Variants in UNC45A observed in about 807,000 individuals in gnomAD.
The protein encoded by UNC45A is unc-45 myosin chaperone A.
UNC45A carries 78 observed loss-of-function variants against 103.2 expected under a neutral mutation model. The observed-to-expected ratio is 0.76, with a 90% CI of 0.63 to 0.91. UNC45A has a LOEUF of 0.91. Among genes scored for constraint, UNC45A ranks in the 40% least tolerant of loss-of-function variants. The pLI, the probability that UNC45A is intolerant of heterozygous loss-of-function variation, is 0.00. For missense variants in UNC45A, 1,193 were observed against 1,224.8 expected, an observed-to-expected ratio of 0.97 and a Z score of 0.39; for synonymous variants, 495 against 504.6, an observed-to-expected ratio of 0.98 and a Z score of 0.25.
upstream of UNC45A, chr15:90,934,198 G>C (rs1483543283): frequency 1.3e-5 from 5 of 399,408 alleles, no homozygotes; most frequent in African/African-American, 1.0e-4. Flanking sequence ...GCTATTCCTG[G>C]GAACTGGAAC....
chr15:90,935,682 C>T lies in UNC45A; in HGVS notation c.190C>T (p.Arg64Trp). The T allele has an allele frequency of 6.4e-7, 1 of 1,567,038 alleles. No individual in the cohort carries two copies. The highest frequency in any genetic ancestry group is 8.6e-7 in the Non-Finnish European group (1 of 1,159,048). The change falls in exon 2 of 20, where the codon CGG (arginine) becomes TGG (tryptophan). Residue 64 changes from arginine to tryptophan, a missense_variant. Arg to Trp is a moderately radical substitution (Grantham distance 101). Transcript: ENST00000418476. Reference sequence around the variant, plus strand: ...GGACCAGGCCGTTCTGCACCGGAACCGGGCCGCCTGCCACCTCAAGCTGGT... The same window carrying T: ...GGACCAGGCCGTTCTGCACCGGAACTGGGCCGCCTGCCACCTCAAGCTGGT... The part of the protein sequence containing the change: ...PQDQAVLHRN[R>W]AACHLKLEDY...
intron 16 of UNC45A, 65 bp from the exon 17 acceptor site, chr15:90,950,434 TG>T: frequency 6.4e-7 from 1 of 1,562,042 alleles, no homozygotes; most frequent in Non-Finnish European, 8.8e-7. Flanking sequence ...GGCTTCTCCC[TG>T]CAGGGTTGGT....
chr15:90,949,479 C>T (rs778332901), intron 14 of UNC45A, 36 bp downstream of exon 14: 1 of 1,610,526 alleles, frequency 6.2e-7, no homozygotes, highest in Non-Finnish European at 8.5e-7. Flanking sequence ...CCTTTCCCAA[C>T]TCCTGAGCCT....
chr15:90,949,999 G>A (rs934625104), intron 15 of UNC45A, 155 bp from the exon 16 acceptor site: 7 of 722,932 alleles, frequency 9.7e-6, no homozygotes, highest in African/African-American at 3.5e-5. Context: ...CTTATTAGGT[G>A]TTTCAGGAAG....
chr15:90,953,578 C>A lies in UNC45A; in HGVS notation c.2697C>A (p.Thr899=). 2.5e-6 allele frequency: 4 copies of A among 1,614,114 alleles called. No homozygotes were observed. Among genetic ancestry groups the A allele is most frequent in the Non-Finnish European group, 3.4e-6 (4 of 1,180,034 alleles). The change falls in exon 20 of 20, where the codon ACC becomes ACA. Residue 899 remains threonine (T), a synonymous_variant. Coordinates refer to ENST00000418476, the MANE Select transcript of UNC45A (RefSeq NM_018671.5). ...AGGCCTCGAGGGAGATTGCCAGCAC[C>A]CTGATGGAGAGTGAGATGATGGAGA... The part of the protein sequence containing the change: ...MVEASREIAS[T]LMESEMMEIL...
At chr15:90,936,601 C>T (rs2036036110) in intron 4 of UNC45A, 141 bp downstream of exon 4, 3 of 960,544 alleles carry the variant, frequency 3.1e-6, no homozygotes, top group African/African-American at 1.7e-5. Flanking sequence ...ATTAAGATGA[C>T]AGCACATTAC....
upstream of UNC45A, chr15:90,934,470 G>A (rs538997375): frequency 4.3e-5 from 17 of 399,078 alleles, no homozygotes; most frequent in South Asian, 2.2e-3. Flanking sequence ...GGCTGCAGGG[G>A]GCTCCTGCTG....
In UNC45A at chr15:90,953,343, C is replaced by T. The variant is rs538837463; in HGVS notation, c.2577+33C>T. 14 of 1,595,710 alleles carry T rather than the reference C, an allele frequency of 8.8e-6. No individual in the cohort carries two copies. The East Asian group carries it at 1.1e-4, about 13-fold the overall frequency. ...CCTCTTCTCAGTGGGGGAGGAGGGA[C>T]GGACCAGGAACTCCCAGCAGCAGCT... On this transcript the variant is annotated intron_variant, in intron 19 of 19. Coordinates refer to ENST00000418476, the MANE Select transcript of UNC45A (RefSeq NM_018671.5).
rs1040059247 is a variant in UNC45A at position 90,953,470 on chromosome 15, G to T, written c.2589G>T (p.Trp863Cys). Reference protein sequence around the residue: ...CSRIPQVTTHWLEILQALLLS... With the variant: ...CSRIPQVTTHCLEILQALLLS... ...TGTTTTTCTCACAGACCACACACTG[G>T]CTGGAGATCCTGCAGGCCCTGCTTC... The change falls in exon 20 of 20, where the codon TGG (tryptophan) becomes TGT (cysteine). Residue 863 changes from tryptophan to cysteine, a missense_variant. Transcript: ENST00000418476. The T allele has an allele frequency of 6.2e-7, 1 of 1,613,582 alleles. No homozygotes were observed. The highest frequency in any genetic ancestry group is 8.5e-7 in the Non-Finnish European group (1 of 1,180,034).
chr15:90,932,767 G>C, upstream of UNC45A: 1 of 391,938 alleles, frequency 2.6e-6, no homozygotes. Context: ...TGTTGGGGGT[G>C]CAAGAAGAAC....
chr15:90,937,638 C>A (rs1316805775), intron 4 of UNC45A, among the ~76,000 whole-genome samples: 1 of 151,878 alleles, frequency 6.6e-6, no homozygotes, highest in African/African-American at 2.4e-5. Context: ...AGGGGCCTGC[C>A]ACCACGCCCG....
rs745813562 is a variant in UNC45A, at chr15:90,950,586, A to T, written c.2274A>T (p.Thr758=). The T allele has an allele frequency of 3.7e-6, 6 of 1,614,156 alleles. No homozygotes were observed. The highest frequency in any genetic ancestry group is 5.1e-6 in the Non-Finnish European group (6 of 1,180,010). ...LQNFEALMAL[T]NLAGISERLR... The stretch of plus-strand genomic sequence containing the variant: ...ACTTCGAGGCGCTCATGGCCCTAAC[A>T]AACCTGGCTGGGATCAGCGAGAGGC... Residue 758 remains threonine (T), a synonymous_variant, in exon 17 of 20, where the codon ACA becomes ACT. Coordinates refer to ENST00000418476, the MANE Select transcript of UNC45A (RefSeq NM_018671.5).
rs766378488 is a variant in UNC45A, at chr15:90,953,422, T to C, written c.2578-37T>C. The C allele has an allele frequency of 3.1e-6, 5 of 1,608,544 alleles. No homozygotes were observed. In the Admixed American group the frequency reaches 8.3e-5, roughly 27 times the overall value. On this transcript the variant is annotated intron_variant, in intron 19 of 19. Transcript: ENST00000418476. ...GTGTCCCTTGCCAAGGTTGAGCCTG[T>C]TGCCCAGGGGTCATATCTACCCTGT...
At chr15:90,931,867 C>T (rs1567143878), upstream of UNC45A, 1 of 1,614,138 alleles carries the variant, frequency 6.2e-7, no homozygotes, top group Non-Finnish European at 8.5e-7. Flanking sequence ...CCAGGCGCCG[C>T]ACTTGTGCCC....
At chr15:90,947,643 G>C in intron 10 of UNC45A, 153 bp from the exon 11 acceptor site, 1 of 620,044 alleles carries the variant, frequency 1.6e-6, no homozygotes, top group Non-Finnish European at 2.9e-6. Context: ...ACATGCTCTA[G>C]GTGGTGGTCT....
chr15:90,948,576 G>T, intron 12 of UNC45A, 78 bp from the exon 13 acceptor site: 1 of 1,563,492 alleles, frequency 6.4e-7, no homozygotes, highest in South Asian at 1.2e-5. Flanking sequence ...TGGAATTGGG[G>T]GCCTGGGCCT....
chr15:90,931,202 A>C, upstream of UNC45A: 1 of 1,515,332 alleles, frequency 6.6e-7, no homozygotes, highest in Non-Finnish European at 8.9e-7. Context: ...GGAGACACAG[A>C]AAAGATGGCG....
chr15:90,947,240 G>A (rs963110236), intron 10 of UNC45A: 11 of 328,440 alleles, frequency 3.3e-5, no homozygotes, highest in Middle Eastern at 9.4e-4. Flanking sequence ...GAGAGACATC[G>A]GCATGGCTCC....
chr15:90,939,942 G>A lies in UNC45A; in HGVS notation c.519+119G>A, dbSNP rs1327291473. 1.1e-4 allele frequency: 100 copies of A among 887,892 alleles called. No homozygotes were observed. In the East Asian group the frequency reaches 2.6e-3, roughly 23 times the overall value. 55.0% of individuals were successfully genotyped at this position (887,892 alleles called of 1,614,324 possible). Reference sequence around the variant, plus strand: ...TCCAATCGTGCAGCTGGGCTCACGGGGCCTGGATGGGAGCTCTGAGGGTCT... The same window carrying A: ...TCCAATCGTGCAGCTGGGCTCACGGAGCCTGGATGGGAGCTCTGAGGGTCT... On this transcript the variant is annotated intron_variant, in intron 5 of 19. Transcript: ENST00000418476.
Sources: gnomAD v4.1 joint callset for allele counts (sites outside exome capture counted in the v4.1 genomes callset) on GRCh38, gnomAD v4.1.1 for gene constraint, MANE v1.5 for transcripts, NCBI Gene and HGNC (gene_info 2026-07-23, HGNC 2026-07-21) for gene names.